LONP2: variants seen among roughly 807,000 people sequenced by gnomAD.
LONP2 encodes the protein lon peptidase 2, peroxisomal.
Under a neutral mutation model 85.6 loss-of-function variants are expected in LONP2, and 60 were observed. The ratio of observed to expected loss-of-function variants is 0.70; its 90% CI spans 0.57 to 0.87. LONP2 has a LOEUF of 0.87. Among genes scored for constraint, LONP2 ranks in the 40% least tolerant of loss-of-function variants. The pLI is 0.00. For missense variants in LONP2, 860 were observed against 1,063.5 expected (o/e 0.81, Z 2.66); for synonymous variants, 395 against 389.7 (o/e 1.01, Z -0.16).
chr16:48,310,071 A>C (rs979518371), intron 11 of LONP2, among the ~76,000 whole-genome samples: 1 of 152,050 alleles, frequency 6.6e-6, no homozygotes, highest in Non-Finnish European at 1.5e-5. Flanking sequence ...AAAAAAAAAA[A>C]AACTATTGTT....
intron 14 of LONP2, 132 bp downstream of exon 14, chr16:48,348,422 G>T: frequency 3.2e-5 from 12 of 371,980 alleles, no homozygotes; most frequent in Middle Eastern, 7.6e-4. Flanking sequence ...TTTTATGCCT[G>T]TAACTAATTC....
intron 11 of LONP2, 144 bp from the exon 12 acceptor site, chr16:48,334,072 C>G: frequency 1.5e-6 from 1 of 685,846 alleles, no homozygotes; most frequent in South Asian, 2.0e-5. Context: ...TCCACAGATA[C>G]ACAGGTGAAT....
chr16:48,310,151 A>G (rs1442629720), intron 11 of LONP2, among the ~76,000 whole-genome samples: 1 of 151,948 alleles, frequency 6.6e-6, no homozygotes, highest in Admixed American at 6.6e-5. Context: ...TTTTGCATGG[A>G]ACATTTTTCC....
intron 6 of LONP2, among the ~76,000 whole-genome samples, chr16:48,266,831 C>G (rs1481927391): frequency 6.6e-6 from 1 of 151,910 alleles, no homozygotes; most frequent in Non-Finnish European, 1.5e-5. Flanking sequence ...TGGCTCATAC[C>G]TGTAATCCTA....
At chr16:48,327,481 G>T (rs1238476477) in intron 11 of LONP2, among the ~76,000 whole-genome samples, 2 of 151,972 alleles carry the variant, frequency 1.3e-5, no homozygotes, top group African/African-American at 4.8e-5. Context: ...TTTTTGGGAT[G>T]GAATCTCACG....
At chr16:48,293,662 T>C (rs1972606035) in intron 8 of LONP2, among the ~76,000 whole-genome samples, 1 of 152,082 alleles carries the variant, frequency 6.6e-6, no homozygotes, top group South Asian at 2.1e-4. Flanking sequence ...ACAGAACTCT[T>C]GCTGAAGGGA....
intron 9 of LONP2, among the ~76,000 whole-genome samples, chr16:48,299,395 G>A (rs1336152950): frequency 1.3e-5 from 2 of 151,686 alleles, no homozygotes; most frequent in Non-Finnish European, 2.9e-5. Context: ...GACCAGCCTG[G>A]CCAACTTGGC....
At chr16:48,345,782 C>A (rs773775120) in intron 12 of LONP2, 3 of 152,162 alleles carry the variant, frequency 2.0e-5, no homozygotes, top group African/African-American at 7.2e-5. Flanking sequence ...CAGAGGCTCA[C>A]GCCTGTAATC....
intron 8 of LONP2, among the ~76,000 whole-genome samples, chr16:48,293,100 A>G (rs1972589200): frequency 6.6e-6 from 1 of 152,196 alleles, no homozygotes. Context: ...TATCCAGCAT[A>G]TATGAATTAC....
At chr16:48,287,460 T>C (rs1873636970) in intron 8 of LONP2, among the ~76,000 whole-genome samples, 1 of 152,250 alleles carries the variant, frequency 6.6e-6, no homozygotes, top group African/African-American at 2.4e-5. Flanking sequence ...TTGCCACTGG[T>C]TGTTTTTGGC....
Position 48,354,855 on chromosome 16 carries a change from T to C in LONP2, c.*3053T>C, listed in dbSNP as rs1960280526. ...CACTTTAGCTTTAGCTCAAAGGAAC[T>C]CCAACTTTTTATTATTTGCAACAGT... On this transcript the variant is annotated 3_prime_UTR_variant, in exon 15 of 15. Transcript: ENST00000285737. 6.6e-6 allele frequency: 1 copy of C among 151,178 alleles called. No homozygotes were observed. The highest frequency in any genetic ancestry group is 6.6e-5 in the Admixed American group (1 of 15,204). The allele number at this position is 151,178 out of a possible 1,614,324, so 9.4% of individuals were successfully genotyped here.
chr16:48,268,379 A>G (rs1475169568), intron 6 of LONP2, among the ~76,000 whole-genome samples: 1 of 152,160 alleles, frequency 6.6e-6, no homozygotes, highest in Non-Finnish European at 1.5e-5. Flanking sequence ...TTAATCATGA[A>G]TGGATAACGC....
chr16:48,256,818 G>C, intron 3 of LONP2, 77 bp downstream of exon 3: 1 of 1,390,906 alleles, frequency 7.2e-7, no homozygotes, highest in South Asian at 1.4e-5. Context: ...GTTAAGTTTT[G>C]ACCTTCAAGA....
chr16:48,270,908 G>A (rs1972089837), intron 7 of LONP2, among the ~76,000 whole-genome samples: 1 of 152,058 alleles, frequency 6.6e-6, no homozygotes, highest in Admixed American at 6.6e-5. Flanking sequence ...TGGGTGGATT[G>A]TTTGAGCCTA....
intron 10 of LONP2, among the ~76,000 whole-genome samples, chr16:48,301,248 C>G (rs1796605412): frequency 1.3e-5 from 2 of 152,178 alleles, no homozygotes; most frequent in Non-Finnish European, 2.9e-5. Context: ...TATAACTCAC[C>G]TGCTTGAATA....
chr16:48,261,520 G>GAGAA lies in LONP2; in HGVS notation c.822_825dup (p.Lys276GlufsTer7), dbSNP rs1971875585. ...AGATAATGATGACATTGTCATGCTAGAGAAAAAAATACGAACATCTAGTAT... is the reference window on the plus strand; with the variant it reads ...AGATAATGATGACATTGTCATGCTAGAGAAAGAAAAAAATACGAACATCTAGTAT... On this transcript the variant is annotated frameshift_variant, in exon 5 of 15. Transcript: ENST00000285737. LOFTEE classifies it high-confidence loss of function. The GAGAA allele has an allele frequency of 1.2e-6, 2 of 1,605,980 alleles. No individual in the cohort carries two copies. Among genetic ancestry groups the GAGAA allele is most frequent in the Non-Finnish European group, 1.7e-6 (2 of 1,176,228 alleles).
intron 11 of LONP2, among the ~76,000 whole-genome samples, chr16:48,307,962 A>T (rs1972946332): frequency 6.6e-6 from 1 of 152,192 alleles, no homozygotes; most frequent in Non-Finnish European, 1.5e-5. Context: ...GAGCAAGGAA[A>T]GAGCCAGGGA....
intron 11 of LONP2, among the ~76,000 whole-genome samples, chr16:48,315,244 T>C (rs1428852569): frequency 6.6e-6 from 1 of 152,236 alleles, no homozygotes; most frequent in East Asian, 1.9e-4. Flanking sequence ...CCTGTTTGAC[T>C]TTGTTAACAG....
chr16:48,269,992 T>A, intron 6 of LONP2, 24 bp from the exon 7 acceptor site: 1 of 1,594,186 alleles, frequency 6.3e-7, no homozygotes, highest in Non-Finnish European at 8.5e-7. Flanking sequence ...GTGTTCTAAT[T>A]ATTTCTGTTG....
Sources: gnomAD v4.1 joint callset for allele counts (sites outside exome capture counted in the v4.1 genomes callset) on GRCh38, gnomAD v4.1.1 for gene constraint, MANE v1.5 for transcripts, NCBI Gene and HGNC (gene_info 2026-07-23, HGNC 2026-07-21) for gene names.